The following TNFRSF10D variants were observed in gnomAD, a reference collection of about 807,000 sequenced individuals.
The protein encoded by TNFRSF10D is tumor necrosis factor receptor superfamily member 10D.
Under a neutral mutation model 42.1 loss-of-function variants are expected in TNFRSF10D, and 28 were observed. The ratio of observed to expected loss-of-function variants is 0.66; its 90% CI spans 0.49 to 0.91. The LOEUF (loss-of-function observed/expected upper bound fraction) is 0.91. Ranked by LOEUF, TNFRSF10D falls within the 40% of genes least tolerant of loss-of-function variation. TNFRSF10D has a pLI of 0.00. For missense variants in TNFRSF10D, 503 were observed against 486.1 expected (o/e 1.03, Z -0.33); for synonymous variants, 186 against 189.4 (o/e 0.98, Z 0.15).
At chr8:23,149,514 C>T (rs1563358902) in intron 2 of TNFRSF10D, among the ~76,000 whole-genome samples, 3 of 150,574 alleles carry the variant, frequency 2.0e-5, no homozygotes, top group Non-Finnish European at 4.4e-5. Flanking sequence ...GCTGGGATTA[C>T]AGGCGTGAGC....
chr8:23,152,112 C>T (rs187464645), intron 2 of TNFRSF10D, among the ~76,000 whole-genome samples: 821 of 151,974 alleles, frequency 5.4e-3, no homozygotes, highest in African/African-American at 0.017. Context: ...CTTTAGGAGA[C>T]AGCCACTCTT....
intron 1 of TNFRSF10D, among the ~76,000 whole-genome samples, chr8:23,162,910 ATT>A (rs571441863): frequency 3.3e-5 from 5 of 151,306 alleles, no homozygotes; most frequent in Non-Finnish European, 4.4e-5. Flanking sequence ...CATAGGGTTA[ATT>A]TTGTTTGTTT....
At chr8:23,144,854 G>A (rs112610291) in intron 6 of TNFRSF10D, among the ~76,000 whole-genome samples, 1,777 of 152,240 alleles carry the variant, frequency 0.012, 24 homozygotes, top group African/African-American at 0.039. Context: ...GCTGCAGGAA[G>A]GACAGGGCTG....
chr8:23,137,119 T>C lies in TNFRSF10D; in HGVS notation c.*751A>G, dbSNP rs77114635. ...ATGTACAGCCTACAGTAGTAAGCAA[T>C]ATAAATGTTTCTCTAATTAAGGTGG... is the stretch of plus-strand genomic sequence containing the variant. On this transcript the variant is annotated 3_prime_UTR_variant, in exon 9 of 9. Transcript: ENST00000312584. 4 of 152,310 alleles carry C rather than the reference T, an allele frequency of 2.6e-5. No homozygotes were observed. The East Asian group carries it at 7.7e-4, about 29-fold the overall frequency. The allele number at this position is 152,310 out of a possible 1,614,324, so 9.4% of individuals were successfully genotyped here.
intron 7 of TNFRSF10D, among the ~76,000 whole-genome samples, chr8:23,140,800 C>A (rs192501020): frequency 5.5e-4 from 84 of 152,282 alleles, no homozygotes; most frequent in African/African-American, 2.0e-3. Context: ...TCATCTTTCA[C>A]CTCAGGCCAT....
chr8:23,151,294 C>A (rs181152765), intron 2 of TNFRSF10D, among the ~76,000 whole-genome samples: 35 of 152,150 alleles, frequency 2.3e-4, no homozygotes, highest in African/African-American at 8.0e-4. Context: ...GAATACTACA[C>A]CTGGCAAGCC....
chr8:23,140,243 C>T (rs376967770), intron 7 of TNFRSF10D, among the ~76,000 whole-genome samples: 13 of 152,126 alleles, frequency 8.5e-5, no homozygotes, highest in South Asian at 4.2e-4. Flanking sequence ...GAGCTGAGAT[C>T]GCGCCACTGC....
rs62501094 is a variant in TNFRSF10D, at chr8:23,148,917, A to T, written c.257-366T>A. On this transcript the variant is annotated intron_variant, in intron 2 of 8. Coordinates refer to ENST00000312584, the MANE Select transcript of TNFRSF10D (RefSeq NM_003840.5). ...ATATTTTATCTTTTTTTGGCCAGGC[A>T]CGGTGGCTCACGCCTGTAATCCCAG... 5.3e-3 allele frequency among the ~76,000 whole-genome samples: 801 copies of T among 151,490 alleles called. 36 individuals are homozygous for T. In the East Asian group the frequency reaches 0.11, roughly 20 times the overall value.
chr8:23,156,576 T>C (rs1031293030), intron 1 of TNFRSF10D, among the ~76,000 whole-genome samples: 2 of 148,236 alleles, frequency 1.3e-5, no homozygotes, highest in Non-Finnish European at 3.0e-5. Context: ...TTTTTTTTTC[T>C]TTTTTGGAGA....
chr8:23,148,056 C>G (rs546670074), intron 3 of TNFRSF10D, among the ~76,000 whole-genome samples: 1 of 124,180 alleles, frequency 8.1e-6, no homozygotes, highest in Non-Finnish European at 1.6e-5. Flanking sequence ...CAGAACGAGA[C>G]TCCGTCTCCC....
intron 2 of TNFRSF10D, among the ~76,000 whole-genome samples, chr8:23,148,836 G>A (rs1310664767): frequency 6.7e-6 from 1 of 149,466 alleles, no homozygotes; most frequent in Non-Finnish European, 1.5e-5. Flanking sequence ...CTATTTTTTA[G>A]CCTAAAAATA....
intron 6 of TNFRSF10D, 48 bp downstream of exon 6, chr8:23,145,010 C>T: frequency 6.2e-7 from 1 of 1,613,730 alleles, no homozygotes; most frequent in Middle Eastern, 1.7e-4. Flanking sequence ...GGATGGGAAG[C>T]AGTTCCTGAA....
intron 1 of TNFRSF10D, among the ~76,000 whole-genome samples, chr8:23,155,836 T>TCG (rs1554519317): frequency 6.7e-6 from 1 of 149,884 alleles, no homozygotes; most frequent in Non-Finnish European, 1.5e-5. Context: ...TCTCTCTCTC[T>TCG]CGCACACACA....
At position 23,145,872 on chromosome 8, in the gene TNFRSF10D, T is replaced by G. The variant is rs267601856; in HGVS notation, c.532A>C (p.Ile178Leu). ...KVSNCTPRSD[I>L]KCKNESAASS... ...GCAGCTGATTCATTTTTGCACTTGA[T>G]GTCACTCCGGGGCGTACAATTACTG... The change falls in exon 5 of 9, where the codon ATC (isoleucine) becomes CTC (leucine). Residue 178 changes from isoleucine to leucine, a missense_variant. Coordinates refer to ENST00000312584, the MANE Select transcript of TNFRSF10D (RefSeq NM_003840.5). 23 of 1,614,080 alleles carry G rather than the reference T, an allele frequency of 1.4e-5. No individual in the cohort carries two copies. The South Asian group carries it at 2.5e-4, about 18-fold the overall frequency.
At chr8:23,156,856 C>T (rs1375073270) in intron 1 of TNFRSF10D, among the ~76,000 whole-genome samples, 2 of 152,196 alleles carry the variant, frequency 1.3e-5, no homozygotes, top group Non-Finnish European at 2.9e-5. Context: ...CGTAAGCCAC[C>T]ACACACAGTC....
At chr8:23,140,252 G>A (rs1814435821) in intron 7 of TNFRSF10D, among the ~76,000 whole-genome samples, 1 of 152,090 alleles carries the variant, frequency 6.6e-6, no homozygotes. Flanking sequence ...TCGCGCCACT[G>A]CACTCCAGCC....
Position 23,154,983 on chromosome 8 carries a change from T to TG in TNFRSF10D, c.151-5dup. ...TGGTGGCAGAGTCAACCCGGACCTG[T>TG]GGGGACAAGGCAGAGATGGGCTTGA... On this transcript the variant is annotated splice_polypyrimidine_tract_variant and splice_region_variant and intron_variant, in intron 1 of 8. Coordinates refer to ENST00000312584, the MANE Select transcript of TNFRSF10D (RefSeq NM_003840.5). 1.2e-6 allele frequency: 2 copies of TG among 1,607,306 alleles called. No individual in the cohort carries two copies. Among genetic ancestry groups the TG allele is most frequent in the Non-Finnish European group, 1.7e-6 (2 of 1,176,820 alleles).
At chr8:23,143,061 C>G (rs558010338) in intron 7 of TNFRSF10D, among the ~76,000 whole-genome samples, 33 of 151,300 alleles carry the variant, frequency 2.2e-4, no homozygotes, top group African/African-American at 7.4e-4. Flanking sequence ...ACTGCAGGCT[C>G]CGCCTCACGG....
intron 2 of TNFRSF10D, among the ~76,000 whole-genome samples, chr8:23,150,921 T>C (rs144172686): frequency 6.0e-3 from 918 of 152,066 alleles, no homozygotes; most frequent in African/African-American, 0.019. Flanking sequence ...CAACGGTTAC[T>C]GTGAAGCAAA....
Sources: gnomAD v4.1 joint callset for allele counts (sites outside exome capture counted in the v4.1 genomes callset) on GRCh38, gnomAD v4.1.1 for gene constraint, MANE v1.5 for transcripts, NCBI Gene and HGNC (gene_info 2026-07-23, HGNC 2026-07-21) for gene names.